OOSP4B: variants seen among roughly 807,000 people sequenced by gnomAD.
OOSP4B encodes oocyte secreted protein family member 4B.
chr11:60,029,195 C>A (rs1854778445), intron 3 of OOSP4B, among the ~76,000 whole-genome samples: 1 of 152,184 alleles, frequency 6.6e-6, no homozygotes, highest in Non-Finnish European at 1.5e-5. Flanking sequence ...GAACTGCCTA[C>A]ATGCTGGCTT....
At chr11:60,017,550 A>ATT in intron 1 of OOSP4B, 137 bp downstream of exon 1, 3 of 321,362 alleles carry the variant, frequency 9.3e-6, no homozygotes, top group Admixed American at 5.0e-5. Flanking sequence ...AAAAGCTGAG[A>ATT]TTTTTTTTTT....
chr11:60,019,037 C>G (rs192479061), intron 1 of OOSP4B, among the ~76,000 whole-genome samples: 1 of 151,756 alleles, frequency 6.6e-6, no homozygotes. Context: ...ACCAATATGG[C>G]GAAACCCCGT....
intron 1 of OOSP4B, among the ~76,000 whole-genome samples, chr11:60,019,074 T>C (rs1016974017): frequency 1.3e-5 from 2 of 151,786 alleles, no homozygotes; most frequent in Non-Finnish European, 2.9e-5. Flanking sequence ...AATACAAAAA[T>C]TAGTCGGGCA....
chr11:60,028,837 C>T (rs183664138), intron 3 of OOSP4B, among the ~76,000 whole-genome samples: 45 of 152,212 alleles, frequency 3.0e-4, no homozygotes, highest in Non-Finnish European at 5.7e-4. Flanking sequence ...GTCCAAATGC[C>T]GGTCTTCCTC....
chr11:60,027,653 A>AT (rs1854756976), intron 3 of OOSP4B, among the ~76,000 whole-genome samples: 1 of 132,378 alleles, frequency 7.6e-6, no homozygotes, highest in South Asian at 2.4e-4. Context: ...AGGCTATGAT[A>AT]TTAAAAAAAA....
intron 2 of OOSP4B, 125 bp downstream of exon 2, chr11:60,024,186 G>C: frequency 7.6e-6 from 3 of 395,308 alleles, no homozygotes; most frequent in Middle Eastern, 6.4e-4. Flanking sequence ...GTGATCAATT[G>C]TTAGATAGGA....
intron 1 of OOSP4B, among the ~76,000 whole-genome samples, chr11:60,023,507 T>C (rs1168501185): frequency 1.3e-5 from 2 of 152,226 alleles, no homozygotes; most frequent in Non-Finnish European, 2.9e-5. Flanking sequence ...TGGTCTCGAC[T>C]CACTGCAGCC....
intron 3 of OOSP4B, among the ~76,000 whole-genome samples, chr11:60,029,203 C>A (rs1049360438): frequency 6.6e-6 from 1 of 152,124 alleles, no homozygotes; most frequent in Non-Finnish European, 1.5e-5. Flanking sequence ...TACATGCTGG[C>A]TTTGAGAGAC....
At chr11:60,029,817 G>A (rs1046198454) in exon 4 of OOSP4B, 1 of 398,448 alleles carries the variant, frequency 2.5e-6, no homozygotes, top group Admixed American at 4.4e-5. Flanking sequence ...TTTGGAATGA[G>A]TGGGTTTGAT....
chr11:60,027,446 T>C (rs1854755318), intron 3 of OOSP4B, among the ~76,000 whole-genome samples: 1 of 151,926 alleles, frequency 6.6e-6, no homozygotes, highest in Non-Finnish European at 1.5e-5. Context: ...GTATCCTCTT[T>C]TAATCTGAGA....
intron 3 of OOSP4B, 85 bp downstream of exon 3, chr11:60,025,090 G>A (rs1854734172): frequency 5.1e-6 from 2 of 395,992 alleles, no homozygotes; most frequent in Non-Finnish European, 8.9e-6. Context: ...CTATAAAAAT[G>A]CCCTGGAGGG....
chr11:60,025,375 T>C, intron 3 of OOSP4B, among the ~76,000 whole-genome samples: 1 of 152,208 alleles, frequency 6.6e-6, no homozygotes, highest in East Asian at 1.9e-4. Context: ...GTTACACAAG[T>C]TAATGCATTT....
rs1045963144 is a variant in OOSP4B at position 60,017,418 on chromosome 11, G to C, written c.22+5G>C. 7.5e-6 allele frequency: 3 copies of C among 398,466 alleles called. No individual in the cohort carries two copies. Among genetic ancestry groups the C allele is most frequent in the African/African-American group, 4.1e-5 (2 of 48,616 alleles). The allele number at this position is 398,466 out of a possible 1,614,324, so 24.7% of individuals were successfully genotyped here. ...TGAAGACCTCTGTGCTCTTAGGTAG[G>C]TCCTTCCTCTTTTCTTTATTGTTTT... On this transcript the variant is annotated splice_donor_5th_base_variant and intron_variant, in intron 1 of 4. Transcript: ENST00000642343.
chr11:60,023,178 C>G (rs753957504), intron 1 of OOSP4B, among the ~76,000 whole-genome samples: 1 of 152,016 alleles, frequency 6.6e-6, no homozygotes, highest in African/African-American at 2.4e-5. Context: ...AAATAACCAA[C>G]TAACCTCTCT....
intron 1 of OOSP4B, chr11:60,022,025 C>CCTAG (rs991668950): frequency 1.4e-5 from 2 of 147,076 alleles, no homozygotes; most frequent in African/African-American, 5.1e-5. Flanking sequence ...TGAAATTTGA[C>CCTAG]CTAGGAATTG....
At chr11:60,022,170 T>C (rs1854697780) in intron 1 of OOSP4B, 1 of 152,110 alleles carries the variant, frequency 6.6e-6, no homozygotes, top group Non-Finnish European at 1.5e-5. Context: ...AAGATAAATA[T>C]ATCTATCCTT....
intron 3 of OOSP4B, among the ~76,000 whole-genome samples, chr11:60,025,761 C>T (rs556556338): frequency 3.2e-4 from 49 of 152,024 alleles, no homozygotes; most frequent in Non-Finnish European, 5.9e-4. Context: ...CTTTAAATAC[C>T]TAAGAATGGG....
chr11:60,022,881 C>A (rs1006115878), intron 1 of OOSP4B, among the ~76,000 whole-genome samples: 4 of 151,902 alleles, frequency 2.6e-5, no homozygotes, highest in African/African-American at 9.7e-5. Context: ...GACTCTGAAA[C>A]CTAATCTTTT....
intron 1 of OOSP4B, among the ~76,000 whole-genome samples, chr11:60,019,277 G>A (rs1024499982): frequency 6.6e-6 from 1 of 152,262 alleles, no homozygotes; most frequent in African/African-American, 2.4e-5. Context: ...ACTTTGGGAG[G>A]CCTAGGCAAG....
Sources: allele counts gnomAD v4.1 joint callset (sites outside exome capture counted in the v4.1 genomes callset), GRCh38; gene constraint gnomAD v4.1.1; transcripts MANE v1.5; gene names NCBI Gene and HGNC (gene_info 2026-07-23, HGNC 2026-07-21).